Variants in PPP3CA observed in about 807,000 individuals in gnomAD.
PPP3CA encodes protein phosphatase 3 catalytic subunit alpha, also known as CAM-PRP catalytic subunit.
Under a neutral mutation model 66.5 loss-of-function variants are expected in PPP3CA, and 14 were observed. The observed-to-expected ratio is 0.21, with a 90% CI of 0.14 to 0.33. The LOEUF (loss-of-function observed/expected upper bound fraction) is 0.33, where lower values mean the gene tolerates loss of function less well. PPP3CA is among the 10% of genes least tolerant of loss of function. The pLI is 1.00. For synonymous variants in PPP3CA, 232 were observed against 226.2 expected, an observed-to-expected ratio of 1.03 and a Z score of -0.23; for missense variants, 317 against 639.5, an observed-to-expected ratio of 0.50 and a Z score of 5.44.
intron 2 of PPP3CA, among the ~76,000 whole-genome samples, chr4:101,139,696 G>GTTTT (rs372257350): frequency 0.01 from 995 of 98,004 alleles, 1 homozygote; most frequent in East Asian, 0.018. Context: ...TTTTTTTTGT[G>GTTTT]TTTTTTTTTT....
chr4:101,187,144 G>T (rs1313364130), intron 2 of PPP3CA, among the ~76,000 whole-genome samples: 1 of 152,116 alleles, frequency 6.6e-6, no homozygotes, highest in African/African-American at 2.4e-5. Context: ...TGGATAGGGA[G>T]AAAATAAAGT....
intron 2 of PPP3CA, among the ~76,000 whole-genome samples, chr4:101,195,685 T>C (rs1560652281): frequency 6.6e-6 from 1 of 152,198 alleles, no homozygotes; most frequent in South Asian, 2.1e-4. Flanking sequence ...ATCATCACCA[T>C]CTCTAAGTTG....
intron 1 of PPP3CA, among the ~76,000 whole-genome samples, chr4:101,345,407 CTTGA>C (rs1260581080): frequency 2.0e-5 from 3 of 152,176 alleles, no homozygotes; most frequent in Non-Finnish European, 4.4e-5. Flanking sequence ...GTGCAAACGA[CTTGA>C]TTGCCTTGCA....
chr4:101,036,927 C>T lies in PPP3CA; in HGVS notation c.1241+3555G>A, dbSNP rs556744220. 1.6e-3 allele frequency among the ~76,000 whole-genome samples: 243 copies of T among 152,328 alleles called. 1 individual carries two copies. Among genetic ancestry groups the T allele is most frequent in the Non-Finnish European group, 1.8e-3 (120 of 68,034 alleles). The stretch of plus-strand genomic sequence containing the variant: ...CCCTGTAGAATATTCTGGAATACTT[C>T]CTCTCTCTTGTAGCCTCTCATATAG... On this transcript the variant is annotated intron_variant, in intron 11 of 13. Transcript: ENST00000394854.
intron 1 of PPP3CA, among the ~76,000 whole-genome samples, chr4:101,308,985 G>A (rs1728632753): frequency 6.6e-6 from 1 of 152,120 alleles, no homozygotes; most frequent in South Asian, 2.1e-4. Flanking sequence ...AACTTAGCCT[G>A]GCATGGTGGT....
rs1316153438 is a variant in PPP3CA at position 101,346,838 on chromosome 4, G to T, written c.-42C>A. On this transcript the variant is annotated 5_prime_UTR_variant, in exon 1 of 14. Coordinates refer to ENST00000394854, the MANE Select transcript of PPP3CA (RefSeq NM_000944.5). ...ACAGCGACGCGCTGCTCGTCCGTCCGACTGCACACCCCGACCGGACCGGCG... is the reference window on the plus strand; with the variant it reads ...ACAGCGACGCGCTGCTCGTCCGTCCTACTGCACACCCCGACCGGACCGGCG... The T allele has an allele frequency of 6.3e-7, 1 of 1,595,744 alleles. No individual in the cohort carries two copies. The highest frequency in any genetic ancestry group is 8.5e-7 in the Non-Finnish European group (1 of 1,172,258).
intron 2 of PPP3CA, among the ~76,000 whole-genome samples, chr4:101,195,224 C>T (rs905791894): frequency 1.3e-5 from 2 of 149,466 alleles, no homozygotes; most frequent in African/African-American, 2.5e-5. Context: ...GCCGAGATTG[C>T]ACCATTGCAC....
chr4:101,081,951 G>A (rs1729460455), intron 7 of PPP3CA, among the ~76,000 whole-genome samples: 1 of 152,080 alleles, frequency 6.6e-6, no homozygotes, highest in Admixed American at 6.5e-5. Flanking sequence ...CAAAGAAACT[G>A]GATGACATAA....
At chr4:101,043,484 T>A (rs1727620454) in intron 10 of PPP3CA, among the ~76,000 whole-genome samples, 1 of 151,982 alleles carries the variant, frequency 6.6e-6, no homozygotes, top group South Asian at 2.1e-4. Context: ...ATAAAAGATA[T>A]TCTACTTTAT....
At chr4:101,104,449 T>C (rs1440133439) in intron 3 of PPP3CA, among the ~76,000 whole-genome samples, 2 of 138,972 alleles carry the variant, frequency 1.4e-5, no homozygotes, top group Non-Finnish European at 3.2e-5. Context: ...GTTTCTGCAT[T>C]ACTGATTTTT....
In PPP3CA at chr4:101,074,781, G is replaced by A. The variant is rs79979349; in HGVS notation, c.955+5751C>T. ...CAATTATATCAAGTTGCTAATTTAT[G>A]AGTCCAAAACATCATATTTTTCCCT... On this transcript the variant is annotated intron_variant, in intron 8 of 13. Transcript: ENST00000394854. 5.9e-3 allele frequency among the ~76,000 whole-genome samples: 904 copies of A among 152,254 alleles called. 7 individuals are homozygous for A. Among genetic ancestry groups the A allele is most frequent in the Middle Eastern group, 0.034 (10 of 294 alleles).
chr4:101,346,769 T>C lies in PPP3CA; in HGVS notation c.28A>G (p.Lys10Glu). 6.2e-7 allele frequency: 1 copy of C among 1,611,554 alleles called. No individual in the cohort carries two copies. Among genetic ancestry groups the C allele is most frequent in the Non-Finnish European group, 8.5e-7 (1 of 1,179,170 alleles). MSEPKAIDP[K>E]LSTTDRVVKA... ...ACCACCCTGTCGGTCGTCGACAACT[T>C]GGGATCAATTGCCTTGGGCTCGGAC... Residue 10 changes from lysine to glutamate, a missense_variant, in exon 1 of 14, where the codon AAG becomes GAG. Coordinates refer to ENST00000394854, the MANE Select transcript of PPP3CA (RefSeq NM_000944.5).
At chr4:101,102,786 C>G (rs1189786384) in intron 3 of PPP3CA, among the ~76,000 whole-genome samples, 1 of 152,100 alleles carries the variant, frequency 6.6e-6, no homozygotes, top group African/African-American at 2.4e-5. Context: ...TATGTGGTAT[C>G]AGATGGCTAA....
Position 101,073,216 on chromosome 4 carries a change from C to CAT in PPP3CA, c.955+7314_955+7315dup, listed in dbSNP as rs1210781756. On this transcript the variant is annotated intron_variant, in intron 8 of 13. Transcript: ENST00000394854. ...TTTACATAAATTTCTTTTCTACCAC[C>CAT]ATATATATATACGTGTGTGTGTGTG... Among the ~76,000 whole-genome samples the CAT allele has an allele frequency of 7.3e-3, 1,042 of 141,900 alleles. 13 individuals carry two copies. The highest frequency in any genetic ancestry group is 0.028 in the African/African-American group (995 of 35,692). The allele number at this position is 141,900 out of a possible 152,430, so 93.1% of individuals were successfully genotyped here. A position where few individuals can be genotyped will look rare whatever the true frequency, so the allele number is the denominator to read the frequency against.
intron 1 of PPP3CA, among the ~76,000 whole-genome samples, chr4:101,261,804 A>G (rs28675750): frequency 0.038 from 5,746 of 151,772 alleles, 346 homozygotes; most frequent in African/African-American, 0.13. Flanking sequence ...CTTCTGAAGA[A>G]CTCATTTCTA....
At chr4:101,086,530 G>T (rs1232593754) in intron 6 of PPP3CA, among the ~76,000 whole-genome samples, 2 of 151,976 alleles carry the variant, frequency 1.3e-5, no homozygotes, top group Non-Finnish European at 2.9e-5. Flanking sequence ...TAGCTAGTGG[G>T]CATTATTAAA....
intron 5 of PPP3CA, among the ~76,000 whole-genome samples, chr4:101,094,417 T>C (rs1261601423): frequency 6.6e-6 from 1 of 152,198 alleles, no homozygotes; most frequent in African/African-American, 2.4e-5. Flanking sequence ...TATGTTATTT[T>C]TTTATATTTA....
intron 1 of PPP3CA, among the ~76,000 whole-genome samples, chr4:101,330,954 T>C (rs1279202811): frequency 6.8e-6 from 1 of 146,056 alleles, no homozygotes; most frequent in African/African-American, 2.8e-5. Flanking sequence ...AGTCCCATTG[T>C]TGTGGGCCTC....
At chr4:101,333,287 T>G (rs985821630) in intron 1 of PPP3CA, among the ~76,000 whole-genome samples, 1,073 of 104,756 alleles carry the variant, frequency 0.01, 62 homozygotes, top group African/African-American at 0.026. Context: ...TTTTTTTTTT[T>G]TTTTTTTTTT....
Sources: allele counts gnomAD v4.1 joint callset (sites outside exome capture counted in the v4.1 genomes callset), GRCh38; gene constraint gnomAD v4.1.1; transcripts MANE v1.5; gene names NCBI Gene and HGNC (gene_info 2026-07-23, HGNC 2026-07-21).